DOCK1: variants seen among roughly 807,000 people sequenced by gnomAD.
DOCK1 encodes the protein dedicator of cytokinesis 1.
DOCK1 carries 138 observed loss-of-function variants against 262.7 expected under a neutral mutation model. The observed-to-expected ratio is 0.53, with a 90% CI of 0.46 to 0.61. DOCK1 has a LOEUF of 0.61. DOCK1 is among the 20% of genes least tolerant of loss of function. DOCK1 has a pLI of 0.00. For missense variants in DOCK1, 1,908 were observed against 2,370.7 expected (o/e 0.80, Z 4.05); for synonymous variants, 866 against 867.4 (o/e 1.00, Z 0.03).
intron 27 of DOCK1, among the ~76,000 whole-genome samples, chr10:127,171,424 C>T (rs2054559629): frequency 6.6e-6 from 1 of 152,206 alleles, no homozygotes; most frequent in African/African-American, 2.4e-5. Flanking sequence ...ATACTGGCTT[C>T]CCAAGGAGCA....
chr10:126,956,516 T>C (rs2036752143), intron 1 of DOCK1, among the ~76,000 whole-genome samples: 1 of 152,080 alleles, frequency 6.6e-6, no homozygotes, highest in Non-Finnish European at 1.5e-5. Context: ...AGTGGGAAGA[T>C]GGCAAGACAC....
chr10:127,261,262 G>GGT (rs372749900), intron 29 of DOCK1, among the ~76,000 whole-genome samples: 29 of 85,202 alleles, frequency 3.4e-4, no homozygotes, highest in Admixed American at 7.8e-4. Flanking sequence ...TGTGCATGTG[G>GGT]GTGTGTGTGT....
intron 5 of DOCK1, 124 bp from the exon 6 acceptor site, chr10:126,990,331 A>AT (rs1288630598): frequency 1.0e-6 from 1 of 1,004,678 alleles, no homozygotes; most frequent in Non-Finnish European, 1.4e-6. Context: ...TTAATTCAAC[A>AT]TTAACTAAAT....
At chr10:127,120,552 A>AT (rs1224553146) in intron 25 of DOCK1, among the ~76,000 whole-genome samples, 3 of 152,166 alleles carry the variant, frequency 2.0e-5, no homozygotes, top group African/African-American at 7.2e-5. Context: ...GAAGTCCAGT[A>AT]TTTTACACTT....
chr10:127,140,357 A>G (rs1268690553), intron 27 of DOCK1, among the ~76,000 whole-genome samples: 3 of 152,164 alleles, frequency 2.0e-5, no homozygotes, highest in African/African-American at 7.2e-5. Context: ...GGAATCTGCA[A>G]CCAGAGGCAG....
intron 19 of DOCK1, among the ~76,000 whole-genome samples, chr10:127,038,980 G>T (rs2043841570): frequency 6.6e-6 from 1 of 152,154 alleles, no homozygotes; most frequent in South Asian, 2.1e-4. Flanking sequence ...CTCCAGCAAG[G>T]TCTGTGTGTT....
At chr10:127,098,874 T>G (rs2048067526) in intron 23 of DOCK1, among the ~76,000 whole-genome samples, 1 of 152,142 alleles carries the variant, frequency 6.6e-6, no homozygotes, top group South Asian at 2.1e-4. Flanking sequence ...GAGACCTGAA[T>G]TTAGTGAAGC....
chr10:126,928,745 C>A (rs1352729710), intron 1 of DOCK1, among the ~76,000 whole-genome samples: 1 of 152,228 alleles, frequency 6.6e-6, no homozygotes, highest in African/African-American at 2.4e-5. Context: ...GGGTGTTACA[C>A]GACCACAAGC....
At chr10:127,112,897 C>T (rs190929240) in intron 25 of DOCK1, among the ~76,000 whole-genome samples, 5 of 152,210 alleles carry the variant, frequency 3.3e-5, no homozygotes, top group East Asian at 1.9e-4. Context: ...GAGTTTTAAG[C>T]GTTTTTCTTA....
chr10:127,324,753 A>G (rs1326712020), intron 29 of DOCK1, among the ~76,000 whole-genome samples: 2 of 152,218 alleles, frequency 1.3e-5, no homozygotes, highest in African/African-American at 2.4e-5. Flanking sequence ...ACATTTATGA[A>G]AAATAGTTTT....
chr10:127,047,040 C>T (rs752038547), intron 21 of DOCK1, among the ~76,000 whole-genome samples: 28 of 152,256 alleles, frequency 1.8e-4, no homozygotes, highest in Admixed American at 3.3e-4. Flanking sequence ...GTTTGGGTGG[C>T]GGATATTCTT....
intron 29 of DOCK1, among the ~76,000 whole-genome samples, chr10:127,269,486 C>T (rs1359670634): frequency 6.6e-6 from 1 of 152,140 alleles, no homozygotes; most frequent in Admixed American, 6.5e-5. Flanking sequence ...TGCGGTTTCC[C>T]TTGATTTATA....
chr10:126,955,368 C>T (rs1047865792), intron 1 of DOCK1, among the ~76,000 whole-genome samples: 26 of 152,198 alleles, frequency 1.7e-4, no homozygotes, highest in Admixed American at 1.6e-3. Flanking sequence ...TCCAATGATC[C>T]GCTCACCTTG....
chr10:127,208,433 T>G (rs1387315790), intron 27 of DOCK1, among the ~76,000 whole-genome samples: 4 of 152,226 alleles, frequency 2.6e-5, no homozygotes, highest in African/African-American at 7.2e-5. Flanking sequence ...GGAGCTATTA[T>G]GATGACTGAT....
intron 11 of DOCK1, among the ~76,000 whole-genome samples, chr10:127,009,197 TATG>T (rs779115730): frequency 1.3e-5 from 2 of 152,210 alleles, no homozygotes; most frequent in African/African-American, 2.4e-5. Context: ...AACAAACAAT[TATG>T]ATGAATTATT....
At chr10:127,016,825 A>T (rs2041943978) in intron 12 of DOCK1, among the ~76,000 whole-genome samples, 1 of 138,626 alleles carries the variant, frequency 7.2e-6, no homozygotes, top group African/African-American at 2.8e-5. Flanking sequence ...ACACACACAG[A>T]TACACTACAC....
intron 28 of DOCK1, among the ~76,000 whole-genome samples, chr10:127,253,489 T>C (rs1344080813): frequency 2.0e-5 from 3 of 152,216 alleles, no homozygotes; most frequent in Non-Finnish European, 4.4e-5. Context: ...AAAGGGCTTA[T>C]CTGACCTTAC....
In DOCK1 at chr10:126,980,152, AC is replaced by A. The variant is rs2038847390; in HGVS notation, c.172-1763del. 2.6e-5 allele frequency among the ~76,000 whole-genome samples: 4 copies of A among 152,048 alleles called. No homozygotes were observed. In the South Asian group the frequency reaches 8.3e-4, roughly 32 times the overall value. On this transcript the variant is annotated intron_variant, in intron 3 of 51. Coordinates refer to ENST00000623213, the MANE Select transcript of DOCK1 (RefSeq NM_001290223.2). ...GGATAACCAGGACCTGAACACAGCA[AC>A]CCAGCGTTGGGTCCCTTCAGACTTC... is the stretch of plus-strand genomic sequence containing the variant.
chr10:127,251,940 C>G (rs1168366654), intron 28 of DOCK1, among the ~76,000 whole-genome samples: 2 of 152,026 alleles, frequency 1.3e-5, no homozygotes, highest in East Asian at 3.9e-4. Context: ...AGTTCTAGAT[C>G]CCTGAGGATC....
Sources: gnomAD v4.1 joint callset for allele counts (sites outside exome capture counted in the v4.1 genomes callset) on GRCh38, gnomAD v4.1.1 for gene constraint, MANE v1.5 for transcripts, NCBI Gene and HGNC (gene_info 2026-07-23, HGNC 2026-07-21) for gene names.